The following TPD52 variants were observed in gnomAD, a reference collection of about 807,000 sequenced individuals.
TPD52 encodes the protein prostate and colon associated protein.
TPD52 carries 17 observed loss-of-function variants against 31.3 expected under a neutral mutation model. That is an observed-to-expected ratio of 0.54 (90% CI 0.37 to 0.82). TPD52 has a LOEUF of 0.82. TPD52 is among the 40% of genes least tolerant of loss of function. The pLI, the probability that TPD52 is intolerant of heterozygous loss-of-function variation, is 0.00. For synonymous variants in TPD52, 83 were observed against 89.6 expected (o/e 0.93, Z 0.42); for missense variants, 212 against 240.1 (o/e 0.88, Z 0.77).
intron 1 of TPD52, among the ~76,000 whole-genome samples, chr8:80,087,706 G>A (rs529004606): frequency 6.6e-6 from 1 of 152,252 alleles, no homozygotes; most frequent in South Asian, 2.1e-4. Flanking sequence ...GCAGCAGTTG[G>A]TTTACCTTCT....
chr8:80,166,390 A>G (rs13259267), intron 1 of TPD52, among the ~76,000 whole-genome samples: 57,516 of 151,252 alleles, frequency 0.38, 11,118 homozygotes, highest in East Asian at 0.68. Flanking sequence ...ATGCCACCAC[A>G]CCCGGCTAAT....
chr8:80,086,117 G>GTTTTTTTTTTTTTTTTTT (rs1366202183), intron 1 of TPD52, among the ~76,000 whole-genome samples: 4 of 88,850 alleles, frequency 4.5e-5, no homozygotes, highest in Non-Finnish European at 8.6e-5. Context: ...TTTTTTTTTA[G>GTTTTTTTTTTTTTTTTTT]TTTTTTTTTT....
At chr8:80,042,218 C>T (rs116012188) in intron 7 of TPD52, 1 of 985,406 alleles carries the variant, frequency 1.0e-6, no homozygotes, top group African/African-American at 1.7e-5. Context: ...ATAGCACATA[C>T]ATCTATCACT....
chr8:80,162,847 G>A (rs1264037591), intron 1 of TPD52, among the ~76,000 whole-genome samples: 1 of 152,026 alleles, frequency 6.6e-6, no homozygotes, highest in East Asian at 1.9e-4. Context: ...GATCACTTGA[G>A]CCCAGGAGTT....
At chr8:80,139,364 C>A (rs1413717014) in intron 1 of TPD52, among the ~76,000 whole-genome samples, 1 of 152,028 alleles carries the variant, frequency 6.6e-6, no homozygotes, top group African/African-American at 2.4e-5. Flanking sequence ...AATTTTCATA[C>A]CCCAAAAAGA....
intron 2 of TPD52, among the ~76,000 whole-genome samples, chr8:80,059,710 TG>T (rs957226053): frequency 1.3e-5 from 2 of 151,622 alleles, no homozygotes; most frequent in African/African-American, 2.4e-5. Context: ...AAAAATTAGC[TG>T]GGAGTGGTGG....
chr8:80,058,088 T>C (rs1812097672), intron 2 of TPD52, among the ~76,000 whole-genome samples: 1 of 152,212 alleles, frequency 6.6e-6, no homozygotes, highest in Non-Finnish European at 1.5e-5. Context: ...ATTATTTTTA[T>C]TTTGTTGATA....
chr8:80,053,088 A>G (rs1333344290), intron 3 of TPD52, 194 bp downstream of exon 3: 1 of 498,058 alleles, frequency 2.0e-6, no homozygotes, highest in Admixed American at 3.7e-5. Context: ...TCTATTCCTT[A>G]GAATAAGTGG....
chr8:80,091,797 G>A (rs1328819830), intron 1 of TPD52, among the ~76,000 whole-genome samples: 1 of 152,182 alleles, frequency 6.6e-6, no homozygotes, highest in Admixed American at 6.5e-5. Flanking sequence ...CAGATTCTGA[G>A]TTAGAAAGTC....
chr8:80,045,186 T>A (rs1298811279), intron 5 of TPD52, among the ~76,000 whole-genome samples: 1 of 152,262 alleles, frequency 6.6e-6, no homozygotes, highest in African/African-American at 2.4e-5. Context: ...TATAAGAGTA[T>A]AATAATCTAT....
chr8:80,044,220 C>T lies in TPD52; in HGVS notation c.414-12G>A, dbSNP rs750382987. The T allele has an allele frequency of 5.7e-6, 9 of 1,569,864 alleles. No homozygotes were observed. The highest frequency in any genetic ancestry group is 7.7e-6 in the Non-Finnish European group (9 of 1,163,524). Reference sequence around the variant, plus strand: ...GAATGGAACGTATACTAAGAGGCAGCATTAAAAAGAGATAGAAATAAGGTT... The same window carrying T: ...GAATGGAACGTATACTAAGAGGCAGTATTAAAAAGAGATAGAAATAAGGTT... On this transcript the variant is annotated splice_polypyrimidine_tract_variant and intron_variant, in intron 5 of 7. Transcript: ENST00000518937.
intron 1 of TPD52, among the ~76,000 whole-genome samples, chr8:80,115,281 A>G (rs979034721): frequency 4.6e-5 from 7 of 152,158 alleles, no homozygotes; most frequent in African/African-American, 9.7e-5. Flanking sequence ...GTGGTCTACA[A>G]TGAATAAAAA....
intron 1 of TPD52, among the ~76,000 whole-genome samples, chr8:80,143,867 A>G (rs1164946397): frequency 6.6e-6 from 1 of 152,218 alleles, no homozygotes; most frequent in Non-Finnish European, 1.5e-5. Context: ...TATGCAAAAC[A>G]CTTTACAGAA....
At chr8:80,076,351 G>C (rs753907802) in intron 1 of TPD52, among the ~76,000 whole-genome samples, 7 of 152,174 alleles carry the variant, frequency 4.6e-5, no homozygotes, top group Non-Finnish European at 1.0e-4. Context: ...CCTATCCTTT[G>C]CAAGAACATG....
intron 1 of TPD52, among the ~76,000 whole-genome samples, chr8:80,093,141 G>A (rs1816419335): frequency 6.6e-6 from 1 of 151,984 alleles, no homozygotes. Flanking sequence ...GCACATGCTT[G>A]GTCTTTTCAA....
chr8:80,050,859 A>G (rs985363021), intron 4 of TPD52, among the ~76,000 whole-genome samples: 1 of 152,204 alleles, frequency 6.6e-6, no homozygotes, highest in African/African-American at 2.4e-5. Flanking sequence ...CAAATCTTGC[A>G]TGCCAACAGA....
intron 1 of TPD52, among the ~76,000 whole-genome samples, chr8:80,161,730 ATATTTT>A (rs370694413): frequency 0.14 from 8,030 of 56,116 alleles, 646 homozygotes; most frequent in African/African-American, 0.33. Context: ...ATATATATAT[ATATTTT>A]TTTTTTTTTC....
intron 1 of TPD52, among the ~76,000 whole-genome samples, chr8:80,131,385 T>C (rs1327059291): frequency 2.6e-5 from 4 of 152,248 alleles, no homozygotes; most frequent in Non-Finnish European, 5.9e-5. Flanking sequence ...TAGCATATTA[T>C]ATACCCTCAA....
intron 1 of TPD52, among the ~76,000 whole-genome samples, chr8:80,147,856 C>CG (rs1563661198): frequency 6.6e-6 from 1 of 151,382 alleles, no homozygotes; most frequent in African/African-American, 2.4e-5. Context: ...ACACACACAC[C>CG]CCCCACACCC....
Sources: allele counts gnomAD v4.1 joint callset (sites outside exome capture counted in the v4.1 genomes callset), GRCh38; gene constraint gnomAD v4.1.1; transcripts MANE v1.5; gene names NCBI Gene and HGNC (gene_info 2026-07-23, HGNC 2026-07-21).